The following SLC4A5 variants were observed in gnomAD, a reference collection of about 807,000 sequenced individuals.
SLC4A5 encodes solute carrier family 4 member 5.
SLC4A5 carries 96 observed loss-of-function variants against 120.4 expected under a neutral mutation model. The observed-to-expected ratio is 0.80, with a 90% confidence interval of 0.68 to 0.94. SLC4A5 has a LOEUF of 0.94. SLC4A5 is among the 40% of genes least tolerant of loss of function. The pLI is 0.00. For missense variants in SLC4A5, 1,259 were observed against 1,459.5 expected (o/e 0.86, Z 2.24); for synonymous variants, 550 against 571.1 (o/e 0.96, Z 0.53).
intron 25 of SLC4A5, among the ~76,000 whole-genome samples, chr2:74,228,193 G>C (rs890730101): frequency 6.6e-6 from 1 of 152,192 alleles, no homozygotes; most frequent in African/African-American, 2.4e-5. Flanking sequence ...TCCACAGACT[G>C]CCCCCTCCTC....
At chr2:74,309,495 T>C (rs944255218) in intron 6 of SLC4A5, among the ~76,000 whole-genome samples, 4 of 152,152 alleles carry the variant, frequency 2.6e-5, no homozygotes, top group African/African-American at 9.7e-5. Context: ...TGTTATGTTG[T>C]CTATTCTGGG....
At chr2:74,227,190 G>T (rs2103890574) in intron 26 of SLC4A5, 60 bp from the exon 27 acceptor site, 3 of 1,517,706 alleles carry the variant, frequency 2.0e-6, no homozygotes, top group Non-Finnish European at 2.7e-6. Context: ...CTGGGTCCTG[G>T]GACTAGGGGA....
chr2:74,259,449 G>A, intron 12 of SLC4A5, 139 bp downstream of exon 12: 1 of 971,950 alleles, frequency 1.0e-6, no homozygotes, highest in Admixed American at 1.9e-5. Flanking sequence ...GCAGCCCAGA[G>A]TCCCCACTGG....
At chr2:74,286,031 G>C in intron 7 of SLC4A5, 129 bp from the exon 8 acceptor site, 1 of 1,094,192 alleles carries the variant, frequency 9.1e-7, no homozygotes, top group Non-Finnish European at 1.2e-6. Flanking sequence ...ACTAAGTCCA[G>C]CTCCTGGGTG....
intron 21 of SLC4A5, among the ~76,000 whole-genome samples, chr2:74,237,679 G>A (rs534484288): frequency 9.9e-5 from 15 of 152,236 alleles, no homozygotes; most frequent in African/African-American, 2.4e-4. Flanking sequence ...TGGAGTTTAC[G>A]GTGGGAAAGA....
chr2:74,257,230 G>A (rs1210193829), intron 12 of SLC4A5, among the ~76,000 whole-genome samples: 2 of 150,336 alleles, frequency 1.3e-5, no homozygotes, highest in African/African-American at 4.9e-5. Context: ...CCTTATAATC[G>A]TTTAAATCCA....
chr2:74,246,659 C>T (rs1279551218), intron 19 of SLC4A5, among the ~76,000 whole-genome samples: 2 of 152,276 alleles, frequency 1.3e-5, no homozygotes, highest in South Asian at 2.1e-4. Context: ...GAGAGCTCAT[C>T]GTATCATGAC....
intron 7 of SLC4A5, among the ~76,000 whole-genome samples, chr2:74,288,953 T>C (rs1209257848): frequency 6.6e-6 from 1 of 152,266 alleles, no homozygotes; most frequent in African/African-American, 2.4e-5. Flanking sequence ...CATGTCCAAC[T>C]GGACACTAAT....
chr2:74,324,686 A>C (rs1261809372), intron 5 of SLC4A5, among the ~76,000 whole-genome samples: 1 of 151,858 alleles, frequency 6.6e-6, no homozygotes, highest in Non-Finnish European at 1.5e-5. Context: ...TGAGTAACAG[A>C]TTTTTTTTCC....
At chr2:74,337,558 G>A (rs1426181833) in intron 3 of SLC4A5, among the ~76,000 whole-genome samples, 5 of 152,172 alleles carry the variant, frequency 3.3e-5, no homozygotes, top group East Asian at 1.9e-4. Flanking sequence ...TTTATGGGCC[G>A]AAACTGGTAT....
chr2:74,280,185 G>C (rs1370079248), intron 8 of SLC4A5, among the ~76,000 whole-genome samples: 4 of 152,070 alleles, frequency 2.6e-5, no homozygotes, highest in Non-Finnish European at 4.4e-5. Context: ...GGAAACCTGT[G>C]CCTTTTCCTC....
At chr2:74,283,925 C>T (rs1222707035) in intron 8 of SLC4A5, among the ~76,000 whole-genome samples, 1 of 150,930 alleles carries the variant, frequency 6.6e-6, no homozygotes, top group Non-Finnish European at 1.5e-5. Context: ...GCAGCCTCAA[C>T]TTCCCCTGGC....
At chr2:74,285,596 G>A (rs953474636) in intron 8 of SLC4A5, among the ~76,000 whole-genome samples, 177 bp downstream of exon 8, 1 of 152,300 alleles carries the variant, frequency 6.6e-6, no homozygotes, top group East Asian at 1.9e-4. Context: ...GGATGAAGAG[G>A]AATTCATAAG....
intron 2 of SLC4A5, among the ~76,000 whole-genome samples, chr2:74,341,605 G>A (rs989561009): frequency 1.3e-5 from 2 of 152,170 alleles, no homozygotes; most frequent in African/African-American, 4.8e-5. Context: ...AAGAGGGACT[G>A]CCCCACATCA....
chr2:74,250,576 G>A, intron 16 of SLC4A5, 59 bp from the exon 17 acceptor site: 2 of 1,590,234 alleles, frequency 1.3e-6, no homozygotes, highest in Non-Finnish European at 1.7e-6. Context: ...CAGGGGCAGG[G>A]CTATTTACAA....
At chr2:74,307,934 G>A (rs529190745) in intron 6 of SLC4A5, 12 of 513,312 alleles carry the variant, frequency 2.3e-5, no homozygotes, top group South Asian at 6.4e-5. Context: ...CCAGCCAGGC[G>A]CCGTAGCTGG....
intron 7 of SLC4A5, 83 bp from the exon 8 acceptor site, chr2:74,285,985 C>G (rs1671970171): frequency 1.4e-6 from 2 of 1,436,206 alleles, no homozygotes; most frequent in Admixed American, 2.7e-5. Context: ...GAGTAGGAGG[C>G]AAGCACAAGG....
intron 5 of SLC4A5, among the ~76,000 whole-genome samples, chr2:74,325,955 G>A (rs1673208341): frequency 6.6e-6 from 1 of 151,600 alleles, no homozygotes. Context: ...GAAGGGAGAA[G>A]GAAGGAGGGA....
chr2:74,249,320 A>T (rs1310234746), intron 17 of SLC4A5, among the ~76,000 whole-genome samples: 1 of 152,206 alleles, frequency 6.6e-6, no homozygotes, highest in Non-Finnish European at 1.5e-5. Context: ...AGATCCAAAA[A>T]ATGAGCAGAG....
Sources: gnomAD v4.1 joint callset for allele counts (sites outside exome capture counted in the v4.1 genomes callset) on GRCh38, gnomAD v4.1.1 for gene constraint, MANE v1.5 for transcripts, NCBI Gene and HGNC (gene_info 2026-07-23, HGNC 2026-07-21) for gene names.